AUTS2: variants seen among roughly 807,000 people sequenced by gnomAD.
The protein encoded by AUTS2 is activator of transcription and developmental regulator AUTS2, also known as autism susceptibility gene 2 protein.
In AUTS2, 17 loss-of-function variants were observed where a neutral mutation model predicts 112.4. That is an observed-to-expected ratio of 0.15 (90% CI 0.10 to 0.23). The LOEUF (loss-of-function observed/expected upper bound fraction) is 0.23, where lower values mean the gene tolerates loss of function less well. AUTS2 is among the 10% of genes least tolerant of loss of function. The probability of loss-of-function intolerance (pLI) is 1.00; values close to 1 mark genes in which losing one functional copy is unlikely to be tolerated. For missense variants in AUTS2, 1,510 were observed against 1,701.6 expected (o/e 0.89, Z 1.98); for synonymous variants, 751 against 702.7 (o/e 1.07, Z -1.09).
chr7:69,951,745 G>T (rs1797035674), intron 2 of AUTS2, among the ~76,000 whole-genome samples: 3 of 152,148 alleles, frequency 2.0e-5, no homozygotes, highest in Non-Finnish European at 4.4e-5. Context: ...TGTGATTGTA[G>T]CTGATTTTTC....
At chr7:70,211,506 G>A (rs925945360) in intron 4 of AUTS2, among the ~76,000 whole-genome samples, 2 of 151,332 alleles carry the variant, frequency 1.3e-5, no homozygotes, top group Non-Finnish European at 2.9e-5. Context: ...AAAATTAGCC[G>A]GATGTGGTGG....
At chr7:70,348,464 A>C (rs1791595385) in intron 4 of AUTS2, among the ~76,000 whole-genome samples, 1 of 152,138 alleles carries the variant, frequency 6.6e-6, no homozygotes, top group Admixed American at 6.5e-5. Flanking sequence ...AGCCACCCCC[A>C]TCACCAGTTT....
chr7:69,999,365 C>T (rs1486541894), intron 2 of AUTS2, among the ~76,000 whole-genome samples: 1 of 152,142 alleles, frequency 6.6e-6, no homozygotes. Context: ...GGTCCTGCTT[C>T]TGTTTCTGCT....
At chr7:70,166,577 G>A (rs900645401) in intron 4 of AUTS2, among the ~76,000 whole-genome samples, 6 of 151,990 alleles carry the variant, frequency 3.9e-5, no homozygotes, top group Non-Finnish European at 7.4e-5. Flanking sequence ...AGTTAAGAAC[G>A]TATATTGTGA....
chr7:70,464,988 A>T (rs1797116536), intron 5 of AUTS2, among the ~76,000 whole-genome samples: 1 of 152,050 alleles, frequency 6.6e-6, no homozygotes, highest in African/African-American at 2.4e-5. Context: ...CTTCTCATTT[A>T]TGGCATCCTT....
intron 2 of AUTS2, among the ~76,000 whole-genome samples, chr7:69,925,476 T>A (rs1404516032): frequency 6.6e-6 from 1 of 152,214 alleles, no homozygotes; most frequent in African/African-American, 2.4e-5. Flanking sequence ...CTTTCTGATT[T>A]CCCTTGTGAC....
intron 1 of AUTS2, among the ~76,000 whole-genome samples, chr7:69,625,712 G>C (rs1318717342): frequency 6.6e-6 from 1 of 152,050 alleles, no homozygotes; most frequent in Non-Finnish European, 1.5e-5. Context: ...TTAAAAATTA[G>C]CTGGATGTGG....
intron 3 of AUTS2, among the ~76,000 whole-genome samples, chr7:70,126,433 A>G (rs1386401402): frequency 2.0e-5 from 3 of 152,012 alleles, no homozygotes; most frequent in Non-Finnish European, 4.4e-5. Flanking sequence ...AAACCCAAAT[A>G]TGCTTTGCTT....
At chr7:69,717,555 G>A (rs1215543916) in intron 1 of AUTS2, among the ~76,000 whole-genome samples, 3 of 152,166 alleles carry the variant, frequency 2.0e-5, no homozygotes, top group African/African-American at 7.2e-5. Context: ...GCTGTGTAGA[G>A]TATGGAGACC....
At chr7:70,764,326 G>T (rs1428083809) in intron 7 of AUTS2, among the ~76,000 whole-genome samples, 2 of 152,166 alleles carry the variant, frequency 1.3e-5, no homozygotes, top group Non-Finnish European at 2.9e-5. Flanking sequence ...TCATTTAAGA[G>T]GTAACAAGAC....
At chr7:70,436,732 G>A (rs116885270) in intron 5 of AUTS2, 2,811 of 152,356 alleles carry the variant, frequency 0.018, 31 homozygotes, top group Middle Eastern at 0.044. Context: ...TTAGTATTTA[G>A]TGGGATCTTT....
intron 2 of AUTS2, among the ~76,000 whole-genome samples, chr7:70,034,609 A>G (rs1800918434): frequency 6.6e-6 from 1 of 152,148 alleles, no homozygotes; most frequent in Non-Finnish European, 1.5e-5. Flanking sequence ...TCTACGGTAA[A>G]TTTGGAGGTG....
At chr7:70,096,278 C>T (rs1804193652) in intron 2 of AUTS2, among the ~76,000 whole-genome samples, 2 of 152,022 alleles carry the variant, frequency 1.3e-5, no homozygotes, top group Non-Finnish European at 1.5e-5. Flanking sequence ...TGAAACTATG[C>T]ATATCAATTA....
At chr7:70,536,572 CTTTTT>C (rs34639179) in intron 5 of AUTS2, among the ~76,000 whole-genome samples, 1 of 49,046 alleles carries the variant, frequency 2.0e-5, no homozygotes, top group African/African-American at 8.7e-5. Context: ...GAAGCCAAGG[CTTTTT>C]TTTTTTTTTT....
chr7:69,786,358 C>T (rs1253313097), intron 1 of AUTS2, among the ~76,000 whole-genome samples: 1 of 152,110 alleles, frequency 6.6e-6, no homozygotes, highest in African/African-American at 2.4e-5. Flanking sequence ...CACCAGTCAG[C>T]GCTCTGTGTC....
At chr7:69,727,910 A>G (rs1274393885) in intron 1 of AUTS2, among the ~76,000 whole-genome samples, 1 of 152,228 alleles carries the variant, frequency 6.6e-6, no homozygotes, top group African/African-American at 2.4e-5. Context: ...TACCCAGACC[A>G]TACTTCATCC....
intron 4 of AUTS2, among the ~76,000 whole-genome samples, chr7:70,261,805 A>G (rs898973273): frequency 1.3e-5 from 2 of 152,182 alleles, no homozygotes; most frequent in Non-Finnish European, 2.9e-5. Flanking sequence ...CACTATAGGG[A>G]GTAGGAAAGC....
At position 70,733,457 on chromosome 7, in the gene AUTS2, A is replaced by G. The variant is rs559823356; in HGVS notation, c.743-29413A>G. 4.6e-5 allele frequency among the ~76,000 whole-genome samples: 7 copies of G among 152,332 alleles called. No individual in the cohort carries two copies. In the East Asian group the frequency reaches 9.7e-4, roughly 21 times the overall value. On this transcript the variant is annotated intron_variant, in intron 6 of 18. Coordinates refer to ENST00000342771, the MANE Select transcript of AUTS2 (RefSeq NM_015570.4). The stretch of plus-strand genomic sequence containing the variant: ...CTAACAATTTTGTATGAAAAATTTC[A>G]AACATACAGAAAAGTGAAGATCATT...
chr7:69,999,257 G>C lies in AUTS2; in HGVS notation c.522+99759G>C, dbSNP rs78882192. Among the ~76,000 whole-genome samples, 73 of 152,234 alleles carry C rather than the reference G, an allele frequency of 4.8e-4. No homozygotes were observed. In the East Asian group the frequency reaches 8.9e-3, roughly 19 times the overall value. On this transcript the variant is annotated intron_variant, in intron 2 of 18. Coordinates refer to ENST00000342771, the MANE Select transcript of AUTS2 (RefSeq NM_015570.4). ...CAGGAGTGTCTCACACTGATTGCTA[G>C]GTGTAGAAAAATGTATGTTGCCTGA...
Sources: gnomAD v4.1 joint callset for allele counts (sites outside exome capture counted in the v4.1 genomes callset) on GRCh38, gnomAD v4.1.1 for gene constraint, MANE v1.5 for transcripts, NCBI Gene and HGNC (gene_info 2026-07-23, HGNC 2026-07-21) for gene names.